Variants in FASTK observed in about 807,000 individuals in gnomAD.
The protein encoded by FASTK is Fas activated serine/threonine kinase.
A neutral mutation model predicts 60.0 loss-of-function variants in FASTK; 28 were observed. The ratio of observed to expected loss-of-function variants is 0.47; its 90% CI spans 0.35 to 0.64. The LOEUF (loss-of-function observed/expected upper bound fraction) is 0.64, where lower values mean the gene tolerates loss of function less well. FASTK is among the 30% of genes least tolerant of loss of function. The pLI, the probability that FASTK is intolerant of heterozygous loss-of-function variation, is 0.01. For missense variants in FASTK, 595 were observed against 713.8 expected, an observed-to-expected ratio of 0.83 and a Z score of 1.90; for synonymous variants, 325 against 307.9, an observed-to-expected ratio of 1.06 and a Z score of -0.58.
Position 151,079,843 on chromosome 7 carries a change from C to A in FASTK, c.162G>T (p.Leu54=). The change falls in exon 2 of 10, where the codon CTG becomes CTT. Residue 54 remains leucine (L), a synonymous_variant. Transcript: ENST00000297532. ...TSPARLSGLL[L]IPPVQPCCLG... ...AACAGCAGGGCTGTACTGGAGGGATCAGCAGCAGGCCAGACAGCCGAGCAG... is the reference window on the plus strand; with the variant it reads ...AACAGCAGGGCTGTACTGGAGGGATAAGCAGCAGGCCAGACAGCCGAGCAG... 6.2e-7 allele frequency: 1 copy of A among 1,603,500 alleles called. No homozygotes were observed. Among genetic ancestry groups the A allele is most frequent in the Non-Finnish European group, 8.5e-7 (1 of 1,175,228 alleles).
At chr7:151,080,028 A>C (rs529720537) in intron 1 of FASTK, 106 bp from the exon 2 acceptor site, 1 of 1,055,468 alleles carries the variant, frequency 9.5e-7, no homozygotes, top group Non-Finnish European at 1.4e-6. Context: ...TGGTCAGAGC[A>C]AGCCTTTGTG....
At chr7:151,079,387 C>G in intron 2 of FASTK, 113 bp downstream of exon 2, 1 of 1,059,900 alleles carries the variant, frequency 9.4e-7, no homozygotes, top group Non-Finnish European at 1.3e-6. Flanking sequence ...CAGGAGCAAG[C>G]GTTCCTGGGC....
At chr7:151,078,375 C>G (rs899047356) in intron 4 of FASTK, among the ~76,000 whole-genome samples, 187 bp downstream of exon 4, 4 of 152,178 alleles carry the variant, frequency 2.6e-5, no homozygotes, top group African/African-American at 9.7e-5. Flanking sequence ...CTGCAGATTT[C>G]CAGGAATGCA....
At chr7:151,079,320 C>G (rs904954492) in intron 2 of FASTK, 180 bp downstream of exon 2, 5 of 654,656 alleles carry the variant, frequency 7.6e-6, no homozygotes, top group Non-Finnish European at 1.3e-5. Flanking sequence ...GGCACCCTAG[C>G]GAGGCCGGAA....
At position 151,077,758 on chromosome 7, in the gene FASTK, C is replaced by T. The variant is rs1333149261; in HGVS notation, c.1062G>A (p.Val354=). Residue 354 remains valine, a synonymous_variant, in exon 6 of 10, where the codon GTG becomes GTA. Transcript: ENST00000297532. The part of the protein sequence containing the change: ...YISGTPHALI[V]RRYLSLLDTA... The stretch of plus-strand genomic sequence containing the variant: ...TGTCCAGCAGGGAGAGGTAGCGACG[C>T]ACAATCAGAGCATGAGGGGTGCCTG... 1.3e-6 allele frequency: 2 copies of T among 1,597,868 alleles called. No homozygotes were observed. Among genetic ancestry groups the T allele is most frequent in the Admixed American group, 1.7e-5 (1 of 57,880 alleles).
At chr7:151,080,028 A>T in intron 1 of FASTK, 106 bp from the exon 2 acceptor site, 1 of 1,055,470 alleles carries the variant, frequency 9.5e-7, no homozygotes, top group Non-Finnish European at 1.4e-6. Context: ...TGGTCAGAGC[A>T]AGCCTTTGTG....
chr7:151,079,888 C>G lies in FASTK; in HGVS notation c.117G>C (p.Leu39=), dbSNP rs780873812. Reference sequence around the variant, plus strand: ...GAGCAGGGGAGGTCTGAGCAGAGAGCAGGACTCGAAGCATGGAGTTGGGTG... The same window carrying G: ...GAGCAGGGGAGGTCTGAGCAGAGAGGAGGACTCGAAGCATGGAGTTGGGTG... The part of the protein sequence containing the change: ...SPSPNSMLRV[L]LSAQTSPARL... Residue 39 remains leucine (L), a synonymous_variant, in exon 2 of 10, where the codon CTG becomes CTC. Coordinates refer to ENST00000297532, the MANE Select transcript of FASTK (RefSeq NM_006712.5). The G allele has an allele frequency of 6.3e-7, 1 of 1,598,744 alleles. No homozygotes were observed. The highest frequency in any genetic ancestry group is 1.1e-5 in the South Asian group (1 of 89,432).
Position 151,079,493 on chromosome 7 carries a change from TCCTCACCAA to T in FASTK, c.503_505+6del. On this transcript the variant is annotated splice_donor_variant and splice_donor_5th_base_variant and coding_sequence_variant and intron_variant, in exon 2 of 10. Transcript: ENST00000297532. LOFTEE classifies it high-confidence loss of function. ...CCCCCAGGCGCCCACCTCAAGCCCC[TCCTCACCAA>T]GTAAGACTGCAAGGTGCAGACACAC... 1 of 1,581,282 alleles carries T rather than the reference TCCTCACCAA, an allele frequency of 6.3e-7. No individual in the cohort carries two copies.
chr7:151,080,660 C>T, intron 1 of FASTK, 25 bp downstream of exon 1: 1 of 1,436,444 alleles, frequency 7.0e-7, no homozygotes, highest in Non-Finnish European at 9.1e-7. Context: ...CCTCCCGCAG[C>T]CCTCCCCGCA....
Position 151,077,360 on chromosome 7 carries a change from C to G in FASTK, c.1241G>C (p.Gly414Ala). Residue 414 changes from glycine to alanine, a missense_variant, in exon 7 of 10, where the codon GGG becomes GCG. Coordinates refer to ENST00000297532, the MANE Select transcript of FASTK (RefSeq NM_006712.5). Reference protein sequence around the residue: ...IVAEGLRQLLGEEKYRQDLTV... With the variant: ...IVAEGLRQLLAEEKYRQDLTV... The stretch of plus-strand genomic sequence containing the variant: ...CAGGTCCTGGCGGTATTTCTCCTCC[C>G]CCAGCAGCTGGCGCAACCCCTCAGC... 6.2e-7 allele frequency: 1 copy of G among 1,612,950 alleles called. No individual in the cohort carries two copies. Among genetic ancestry groups the G allele is most frequent in the Non-Finnish European group, 8.5e-7 (1 of 1,180,006 alleles).
At position 151,077,882 on chromosome 7, in the gene FASTK, T is replaced by C. The variant is rs775824160; in HGVS notation, c.1036A>G (p.Ser346Gly). Residue 346 changes from serine (S) to glycine (G), a missense_variant, in exon 5 of 10, where the codon AGT (serine) becomes GGT (glycine). This residue lies in a region of FASTK where 471 missense variants were observed against 605.9 expected (regional missense o/e 0.78). Coordinates refer to ENST00000297532, the MANE Select transcript of FASTK (RefSeq NM_006712.5). ...GCCAGCCATCCTGGCTGCGTACCAC[T>C]GATGTAGTTGATGAAGCCAGGGGAA... is the stretch of plus-strand genomic sequence containing the variant. ...VFSPGFINYISGTPHALIVRR... is the reference protein window; with the variant it reads ...VFSPGFINYIGGTPHALIVRR... 6.2e-6 allele frequency: 10 copies of C among 1,613,000 alleles called. No individual in the cohort carries two copies. The highest frequency in any genetic ancestry group is 7.6e-6 in the Non-Finnish European group (9 of 1,179,504).
At position 151,080,777 on chromosome 7, in the gene FASTK, C is replaced by G; in HGVS notation, c.-11G>C. The G allele has an allele frequency of 7.8e-7, 1 of 1,275,508 alleles. No homozygotes were observed. The highest frequency in any genetic ancestry group is 3.1e-5 in the East Asian group (1 of 31,794). 79.0% of individuals were successfully genotyped at this position (1,275,508 alleles called of 1,614,324 possible). The stretch of plus-strand genomic sequence containing the variant: ...CCGCGGCCTCCTCATCGGCTAGCCA[C>G]CGAGTCCGCCATCTTCCCAGCAGCC... On this transcript the variant is annotated 5_prime_UTR_variant, in exon 1 of 10. Transcript: ENST00000297532.
intron 4 of FASTK, 146 bp downstream of exon 4, chr7:151,078,416 A>G: frequency 2.2e-6 from 2 of 897,772 alleles, no homozygotes; most frequent in Non-Finnish European, 3.3e-6. Flanking sequence ...CAAGCCACAG[A>G]AAGGGTGTAG....
At chr7:151,080,578 G>A (rs939905046) in intron 1 of FASTK, 107 bp downstream of exon 1, 4 of 1,324,696 alleles carry the variant, frequency 3.0e-6, no homozygotes, top group Middle Eastern at 2.8e-4. Context: ...GAAGTCGGGG[G>A]CCCCAACACC....
At chr7:151,076,886 G>C (rs763001777) in intron 9 of FASTK, 27 bp downstream of exon 9, 1 of 1,598,450 alleles carries the variant, frequency 6.3e-7, no homozygotes, top group Non-Finnish European at 8.5e-7. Flanking sequence ...GTGAGGATGC[G>C]CCACGGGCCA....
rs762070932 is a variant in FASTK at position 151,078,593 on chromosome 7, AG to A, written c.793del (p.Leu265TrpfsTer23). 1 of 1,613,752 alleles carries A rather than the reference AG, an allele frequency of 6.2e-7. No individual in the cohort carries two copies. The highest frequency in any genetic ancestry group is 1.7e-5 in the Admixed American group (1 of 60,008). On this transcript the variant is annotated frameshift_variant, in exon 4 of 10. Transcript: ENST00000297532. LOFTEE classifies it high-confidence loss of function. ...PQLLEAIAHF[L>X]VVQETQLSSK... The stretch of plus-strand genomic sequence containing the variant: ...GCTGAGTTGCGTTTCCTGAACCACC[AG>A]GAAGTGGGCAATGGCTTCCAGAAGC...
At chr7:151,079,371 C>A (rs983046332) in intron 2 of FASTK, 129 bp downstream of exon 2, 2 of 894,334 alleles carry the variant, frequency 2.2e-6, no homozygotes, top group African/African-American at 1.7e-5. Flanking sequence ...AGACATAGGA[C>A]GGGAGCAGGA....
intron 7 of FASTK, 30 bp downstream of exon 7, chr7:151,077,280 C>T (rs775740504): frequency 6.2e-6 from 10 of 1,612,118 alleles, no homozygotes; most frequent in Non-Finnish European, 7.6e-6. Context: ...GGCTCCGTCT[C>T]CCCGGGCCTG....
At chr7:151,080,313 C>A in intron 1 of FASTK, 2 of 434,994 alleles carry the variant, frequency 4.6e-6, no homozygotes, top group Non-Finnish European at 7.3e-6. Context: ...GGAGCCCAGG[C>A]GGCACCGGCG....
Sources: allele counts gnomAD v4.1 joint callset (sites outside exome capture counted in the v4.1 genomes callset), GRCh38; gene constraint gnomAD v4.1.1; regional missense constraint gnomAD v4.1.1; transcripts MANE v1.5; gene names NCBI Gene and HGNC (gene_info 2026-07-23, HGNC 2026-07-21).